ADGRF5: variants seen among roughly 807,000 people sequenced by gnomAD.
ADGRF5 encodes adhesion G protein-coupled receptor F5, also known as G-protein coupled receptor 116.
Under a neutral mutation model 132.3 loss-of-function variants are expected in ADGRF5, and 75 were observed. The observed-to-expected ratio is 0.57, with a 90% CI of 0.47 to 0.69. ADGRF5 has a LOEUF of 0.69. ADGRF5 is among the 30% of genes least tolerant of loss of function. ADGRF5 has a pLI of 0.00. For synonymous variants in ADGRF5, 629 were observed against 597.6 expected (o/e 1.05, Z -0.77); for missense variants, 1,516 against 1,630.6 (o/e 0.93, Z 1.21).
In ADGRF5 at chr6:46,878,371, A is replaced by G. The variant is rs1772053226; in HGVS notation, c.1071T>C (p.Phe357=). 1 of 1,610,734 alleles carries G rather than the reference A, an allele frequency of 6.2e-7. No individual in the cohort carries two copies. Among genetic ancestry groups the G allele is most frequent in the Non-Finnish European group, 8.5e-7 (1 of 1,177,226 alleles). ...EYVCKLILDI[F]EYECKKKIDV... ...CTATTTTCTTCTTGCACTCATATTCAAAAATGTCTAATATCAGTTTGCAAA... is the reference window on the plus strand; with the variant it reads ...CTATTTTCTTCTTGCACTCATATTCGAAAATGTCTAATATCAGTTTGCAAA... The change falls in exon 10 of 21, where the codon TTT becomes TTC. Residue 357 remains phenylalanine (F), a synonymous_variant. Coordinates refer to ENST00000283296, the MANE Select transcript of ADGRF5 (RefSeq NM_001098518.2).
intron 1 of ADGRF5, among the ~76,000 whole-genome samples, chr6:46,934,998 CTT>C (rs56982002): frequency 3.5e-4 from 30 of 86,688 alleles, no homozygotes; most frequent in Middle Eastern, 8.2e-3. Context: ...GGTGATAGTT[CTT>C]TTTTTTTTTT....
intron 1 of ADGRF5, among the ~76,000 whole-genome samples, chr6:46,950,388 C>T (rs1316516057): frequency 2.0e-5 from 3 of 152,204 alleles, no homozygotes; most frequent in Non-Finnish European, 4.4e-5. Context: ...CCCTCATGTG[C>T]TCAAGATGTA....
intron 8 of ADGRF5, 96 bp downstream of exon 8, chr6:46,881,359 T>C (rs879180837): frequency 9.6e-7 from 1 of 1,039,486 alleles, no homozygotes; most frequent in Non-Finnish European, 1.5e-6. Flanking sequence ...GGAACTGGAG[T>C]GTCTAGCTTC....
In ADGRF5 at chr6:46,877,302, T is replaced by TTTC. The variant is rs1188443619; in HGVS notation, c.1240+899_1240+900insGAA. Among the ~76,000 whole-genome samples, 460 of 90,980 alleles carry TTTC rather than the reference T, an allele frequency of 5.1e-3. 7 individuals carry two copies. Among genetic ancestry groups the TTTC allele is most frequent in the Non-Finnish European group, 6.9e-3 (300 of 43,184 alleles). 59.7% of individuals were successfully genotyped at this position (90,980 alleles called of 152,430 possible). A position where few individuals can be genotyped will look rare whatever the true frequency, so the allele number is the denominator to read the frequency against. On this transcript the variant is annotated intron_variant, in intron 10 of 20. Transcript: ENST00000283296. ...TTCTTTCTTTCTTTCTCTCTCTCTC[T>TTTC]CTCTTTCCTTCCTTCCTTCCTTCTT...
At chr6:46,874,501 G>A (rs1206286142) in intron 10 of ADGRF5, among the ~76,000 whole-genome samples, 5 of 152,218 alleles carry the variant, frequency 3.3e-5, no homozygotes, top group African/African-American at 1.2e-4. Context: ...AATATGTTAT[G>A]TAGATTAAAG....
chr6:46,913,509 AAAG>A (rs1485847481), intron 1 of ADGRF5, among the ~76,000 whole-genome samples: 17 of 151,972 alleles, frequency 1.1e-4, no homozygotes, highest in Admixed American at 4.6e-4. Context: ...CAAAAAAAAA[AAAG>A]AAGAAGAAGA....
In ADGRF5 at chr6:46,858,936, G is replaced by A. The variant is rs1447616385; in HGVS notation, c.2967C>T (p.His989=). 1.2e-6 allele frequency: 2 copies of A among 1,613,592 alleles called. No individual in the cohort carries two copies. Among genetic ancestry groups the A allele is most frequent in the Non-Finnish European group, 1.7e-6 (2 of 1,179,654 alleles). ...ACATGAGGATGGAGAATGATGTTAG[G>A]TGGTCACAGATACAGGTGACATTGT... ...DGDNVTCICD[H]LTSFSILMSP... Residue 989 remains histidine (H), a synonymous_variant, in exon 17 of 21, where the codon CAC becomes CAT. Coordinates refer to ENST00000283296, the MANE Select transcript of ADGRF5 (RefSeq NM_001098518.2).
At chr6:46,888,304 T>C (rs749028131) in intron 4 of ADGRF5, 31 bp downstream of exon 4, 1 of 1,503,376 alleles carries the variant, frequency 6.7e-7, no homozygotes, top group Non-Finnish European at 9.3e-7. Context: ...CATCCAATCA[T>C]TTATTCTGAA....
At chr6:46,950,280 A>G (rs1009013965) in intron 1 of ADGRF5, among the ~76,000 whole-genome samples, 3 of 152,118 alleles carry the variant, frequency 2.0e-5, no homozygotes, top group African/African-American at 7.2e-5. Flanking sequence ...CCTTCCACAC[A>G]TTGAGCTGAA....
At chr6:46,953,888 CT>C (rs1778622307) in intron 1 of ADGRF5, among the ~76,000 whole-genome samples, 2 of 151,638 alleles carry the variant, frequency 1.3e-5, no homozygotes, top group African/African-American at 4.8e-5. Flanking sequence ...TCCATGAAGT[CT>C]GTATAAATTA....
chr6:46,868,831 C>A (rs947718722), intron 12 of ADGRF5, 52 bp downstream of exon 12: 9 of 1,140,362 alleles, frequency 7.9e-6, no homozygotes, highest in Non-Finnish European at 1.0e-5. Flanking sequence ...ACTATTATTG[C>A]ATGTTTCCAA....
At chr6:46,949,324 T>C (rs182905553) in intron 1 of ADGRF5, among the ~76,000 whole-genome samples, 86 of 152,350 alleles carry the variant, frequency 5.6e-4, no homozygotes, top group Admixed American at 2.0e-3. Context: ...GCAAGTTCTT[T>C]GAGTCCACAA....
intron 1 of ADGRF5, among the ~76,000 whole-genome samples, chr6:46,943,151 CAAAA>C (rs141970567): frequency 2.1e-5 from 3 of 141,898 alleles, no homozygotes; most frequent in African/African-American, 7.8e-5. Context: ...CTTACACATA[CAAAA>C]AAAAAAACAA....
chr6:46,935,775 G>A (rs1777790148), intron 1 of ADGRF5, among the ~76,000 whole-genome samples: 1 of 152,214 alleles, frequency 6.6e-6, no homozygotes, highest in South Asian at 2.1e-4. Context: ...GTCTGTCAGT[G>A]CAGTTCCAAG....
chr6:46,900,180 T>A, intron 2 of ADGRF5, 97 bp from the exon 3 acceptor site: 1 of 908,278 alleles, frequency 1.1e-6, no homozygotes, highest in Non-Finnish European at 1.8e-6. Flanking sequence ...GAGCTGAGCT[T>A]AAGGCTGCAG....
At chr6:46,873,178 C>G (rs1327358204) in intron 10 of ADGRF5, among the ~76,000 whole-genome samples, 1 of 152,092 alleles carries the variant, frequency 6.6e-6, no homozygotes, top group East Asian at 1.9e-4. Context: ...GATTTCCTCC[C>G]CTTCAACCCC....
chr6:46,856,777 C>T lies in ADGRF5; in HGVS notation c.3817G>A (p.Val1273Ile). ...LLFGCLWDLK[V>I]QEALLNKFSL... ...AACTTATTCAGCAAAGCTTCCTGTACCTGCATTGTTAAAAAGAAGCTATCG... is the reference window on the plus strand; with the variant it reads ...AACTTATTCAGCAAAGCTTCCTGTATCTGCATTGTTAAAAAGAAGCTATCG... The change falls in exon 19 of 21, where the codon GTA becomes ATA. Residue 1273 changes from valine (V) to isoleucine (I), a missense_variant and splice_region_variant. By Grantham distance (29) the Val-to-Ile change is conservative. Transcript: ENST00000283296. 2.5e-6 allele frequency: 4 copies of T among 1,593,972 alleles called. No individual in the cohort carries two copies. The highest frequency in any genetic ancestry group is 2.2e-5 in the East Asian group (1 of 44,762).
chr6:46,890,632 G>A (rs111882683), intron 3 of ADGRF5, among the ~76,000 whole-genome samples: 100 of 152,056 alleles, frequency 6.6e-4, no homozygotes, highest in African/African-American at 2.1e-3. Context: ...CAGAAGAATC[G>A]CTTGAACCCA....
At chr6:46,941,466 G>GAAAAGAAAAGAAAAGAAAAGAAAAGA (rs66918453) in intron 1 of ADGRF5, among the ~76,000 whole-genome samples, 7 of 28,046 alleles carry the variant, frequency 2.5e-4, no homozygotes, top group African/African-American at 5.7e-4. Flanking sequence ...GAAAAGAAAA[G>GAAAAGAAAAGAAAAGAAAAGAAAAGA]AAAGAAAAGA....
Sources: gnomAD v4.1 joint callset for allele counts (sites outside exome capture counted in the v4.1 genomes callset) on GRCh38, gnomAD v4.1.1 for gene constraint, MANE v1.5 for transcripts, NCBI Gene and HGNC (gene_info 2026-07-23, HGNC 2026-07-21) for gene names.